Variants in TANK observed in about 807,000 individuals in gnomAD.
TANK encodes TRAF family member-associated NF-kappa-B activator.
In TANK, 15 loss-of-function variants were observed where a neutral mutation model predicts 43.6. That is an observed-to-expected ratio of 0.34 (90% CI 0.23 to 0.53). TANK has a LOEUF of 0.53. Ranked by LOEUF, TANK falls within the 20% of genes least tolerant of loss-of-function variation. The probability of loss-of-function intolerance (pLI) is 0.94; values close to 1 mark genes in which losing one functional copy is unlikely to be tolerated. For missense variants in TANK, 417 were observed against 498.6 expected, an observed-to-expected ratio of 0.84 and a Z score of 1.56; for synonymous variants, 162 against 178.2, an observed-to-expected ratio of 0.91 and a Z score of 0.73.
chr2:161,189,110 A>C, intron 2 of TANK, among the ~76,000 whole-genome samples: 1 of 152,330 alleles, frequency 6.6e-6, no homozygotes, highest in South Asian at 2.1e-4. Flanking sequence ...AAACAGACTA[A>C]GACAATATTG....
At chr2:161,202,936 A>G (rs1354477884) in intron 2 of TANK, 2 of 439,404 alleles carry the variant, frequency 4.6e-6, no homozygotes, top group Non-Finnish European at 9.2e-6. Context: ...CCAAAGGTCA[A>G]CTATATTCTC....
chr2:161,234,352 A>G (rs1688068205), intron 7 of TANK, among the ~76,000 whole-genome samples: 1 of 152,194 alleles, frequency 6.6e-6, no homozygotes, highest in South Asian at 2.1e-4. Context: ...TTATGAGATG[A>G]TTCTTCTTAA....
At chr2:161,213,658 A>C (rs1014478548) in intron 4 of TANK, among the ~76,000 whole-genome samples, 1 of 143,772 alleles carries the variant, frequency 7.0e-6, no homozygotes, top group Non-Finnish European at 1.5e-5. Context: ...TTTTTTTTTC[A>C]GTGTTATGAA....
intron 6 of TANK, among the ~76,000 whole-genome samples, chr2:161,228,535 C>CAA (rs566441967): frequency 6.9e-6 from 1 of 143,898 alleles, no homozygotes; most frequent in Non-Finnish European, 1.5e-5. Flanking sequence ...AGCTCGGTCT[C>CAA]AAAAAAAAAA....
At chr2:161,193,874 C>T (rs746965920) in intron 2 of TANK, among the ~76,000 whole-genome samples, 4 of 152,052 alleles carry the variant, frequency 2.6e-5, no homozygotes, top group African/African-American at 4.8e-5. Context: ...GACCATGTGC[C>T]GTGTTAAAAC....
At chr2:161,212,491 G>T (rs1472805220) in intron 4 of TANK, 1 of 985,130 alleles carries the variant, frequency 1.0e-6, no homozygotes, top group Admixed American at 6.2e-5. Context: ...CCTGCTCTGG[G>T]TTTGTGTTTT....
At chr2:161,150,593 T>C (rs1684046693) in intron 1 of TANK, among the ~76,000 whole-genome samples, 1 of 143,192 alleles carries the variant, frequency 7.0e-6, no homozygotes, top group Admixed American at 6.8e-5. Flanking sequence ...CTTCTTCTTT[T>C]TTTTTTTTTT....
intron 4 of TANK, among the ~76,000 whole-genome samples, chr2:161,205,436 A>G (rs1289525883): frequency 1.3e-5 from 2 of 152,122 alleles, no homozygotes; most frequent in Non-Finnish European, 2.9e-5. Flanking sequence ...AAAATCAGGT[A>G]AATAATAAGA....
At chr2:161,156,207 T>C, upstream of TANK, 1 of 985,472 alleles carries the variant, frequency 1.0e-6, no homozygotes, top group South Asian at 4.7e-5. Flanking sequence ...CTATTTGTAC[T>C]TTCCAGTCAT....
intron 3 of TANK, among the ~76,000 whole-genome samples, 191 bp from the exon 4 acceptor site, chr2:161,204,484 T>C (rs954599408): frequency 1.3e-5 from 2 of 152,162 alleles, no homozygotes; most frequent in Non-Finnish European, 2.9e-5. Flanking sequence ...GTTTTGTGTG[T>C]TTGTTTAGTG....
intron 4 of TANK, among the ~76,000 whole-genome samples, chr2:161,213,440 T>C (rs920718790): frequency 2.6e-5 from 4 of 151,968 alleles, no homozygotes; most frequent in Admixed American, 2.6e-4. Flanking sequence ...CTGTCTCTAC[T>C]AAGAATACAA....
At chr2:161,232,623 TA>T in intron 7 of TANK, 2 of 1,289,272 alleles carry the variant, frequency 1.6e-6, no homozygotes, top group African/African-American at 3.0e-5. Flanking sequence ...TGAAACAAAT[TA>T]AACAATTTCA....
rs1686948806 is a variant in TANK, at chr2:161,212,776, A to G, written c.327+7983A>G. The G allele has an allele frequency of 4.1e-6, 4 of 985,296 alleles. 1 individual carries two copies. The highest frequency in any genetic ancestry group is 1.0e-3 in the Middle Eastern group (2 of 1,912). The allele number at this position is 985,296 out of a possible 1,614,324, so 61.0% of individuals were successfully genotyped here. On this transcript the variant is annotated intron_variant, in intron 4 of 7. Coordinates refer to ENST00000392749, the MANE Select transcript of TANK (RefSeq NM_001199135.3). Reference sequence around the variant, plus strand: ...CCTGATTTCTCTTGGCCAAGGAATGAAAGGCTGTTCTCTAAACCTTGATAG... The same window carrying G: ...CCTGATTTCTCTTGGCCAAGGAATGGAAGGCTGTTCTCTAAACCTTGATAG...
intron 1 of TANK, among the ~76,000 whole-genome samples, chr2:161,167,679 GT>G (rs1684748802): frequency 6.6e-6 from 1 of 152,048 alleles, no homozygotes; most frequent in Non-Finnish European, 1.5e-5. Flanking sequence ...CTGGAGTGCA[GT>G]GGCGCGATCT....
chr2:161,164,616 A>G (rs184742506), intron 1 of TANK, among the ~76,000 whole-genome samples: 5 of 152,338 alleles, frequency 3.3e-5, no homozygotes, highest in Non-Finnish European at 5.9e-5. Context: ...TCACTGTTCA[A>G]ATAAGTTGAG....
At chr2:161,197,810 C>T (rs1686223796) in intron 2 of TANK, among the ~76,000 whole-genome samples, 1 of 152,106 alleles carries the variant, frequency 6.6e-6, no homozygotes, top group Non-Finnish European at 1.5e-5. Flanking sequence ...TAAAAGGCCC[C>T]ACTTCTTAAT....
intron 1 of TANK, chr2:161,161,500 G>A: frequency 1.3e-6 from 2 of 1,514,124 alleles, no homozygotes; most frequent in South Asian, 1.3e-5. Flanking sequence ...ACAACTATGT[G>A]CAAAGCAGGA....
intron 2 of TANK, among the ~76,000 whole-genome samples, chr2:161,183,444 C>T (rs1325162456): frequency 1.3e-5 from 2 of 151,770 alleles, no homozygotes; most frequent in African/African-American, 4.8e-5. Context: ...ATTAAGAAAC[C>T]GTGACAATTC....
chr2:161,197,422 CTG>C (rs1220796824), intron 2 of TANK: 1 of 152,206 alleles, frequency 6.6e-6, no homozygotes, highest in Non-Finnish European at 1.5e-5. Context: ...AGAAAAATGA[CTG>C]AGAGATCTGG....
Sources: gnomAD v4.1 joint callset for allele counts (sites outside exome capture counted in the v4.1 genomes callset) on GRCh38, gnomAD v4.1.1 for gene constraint, MANE v1.5 for transcripts, NCBI Gene and HGNC (gene_info 2026-07-23, HGNC 2026-07-21) for gene names.